The following PLPP7 variants were observed in gnomAD, a reference collection of about 807,000 sequenced individuals.
The protein encoded by PLPP7 is phospholipid phosphatase 7 (inactive), also known as inactive phospholipid phosphatase 7.
In PLPP7, 11 loss-of-function variants were observed where a neutral mutation model predicts 16.9. That is an observed-to-expected ratio of 0.65 (90% confidence interval 0.41 to 1.08). The LOEUF (loss-of-function observed/expected upper bound fraction) is 1.08. Among genes scored for constraint, PLPP7 ranks in the 50% least tolerant of loss-of-function variants. The pLI is 0.00. For missense variants in PLPP7, 358 were observed against 397.1 expected, an observed-to-expected ratio of 0.90 and a Z score of 0.84; for synonymous variants, 174 against 175.1, an observed-to-expected ratio of 0.99 and a Z score of 0.05.
chr9:131,303,990 C>A (rs1004481420), intron 1 of PLPP7, among the ~76,000 whole-genome samples: 1 of 152,128 alleles, frequency 6.6e-6, no homozygotes, highest in Admixed American at 6.5e-5. Flanking sequence ...GAGCTGTGAC[C>A]TCACTGGGGT....
chr9:131,291,224 G>C, intron 1 of PLPP7: 1 of 1,349,868 alleles, frequency 7.4e-7, no homozygotes, highest in South Asian at 1.1e-5. Flanking sequence ...GCACCACCAG[G>C]TCCCCAAGGT....
rs1020568454 is a variant in PLPP7, at chr9:131,295,960, C to A, written c.451+5512C>A. Among the ~76,000 whole-genome samples the A allele has an allele frequency of 6.6e-6, 1 of 152,200 alleles. No homozygotes were observed. Among genetic ancestry groups the A allele is most frequent in the Non-Finnish European group, 1.5e-5 (1 of 68,040 alleles). ...AGCTGTTCTGAGTAACGCTGCCGTG[C>A]GCACAGGTGTATATGCATCTTCTTG... On this transcript the variant is annotated intron_variant, in intron 1 of 1. Coordinates refer to ENST00000372264, the MANE Select transcript of PLPP7 (RefSeq NM_032728.4). The surrounding 1 kb of genome is among the most constrained non-coding windows in gnomAD (Gnocchi z 4.0).
At chr9:131,307,072 C>T (rs2131221662) in intron 1 of PLPP7, among the ~76,000 whole-genome samples, 1 of 151,524 alleles carries the variant, frequency 6.6e-6, no homozygotes, top group East Asian at 1.9e-4. Context: ...TGGCAAAACC[C>T]CATCTCTACC....
At chr9:131,297,569 A>T (rs150656183) in intron 1 of PLPP7, among the ~76,000 whole-genome samples, 1 of 152,060 alleles carries the variant, frequency 6.6e-6, no homozygotes, top group African/African-American at 2.4e-5. Context: ...TGTTTTTAGT[A>T]GAGACGGGGT....
intron 1 of PLPP7, among the ~76,000 whole-genome samples, chr9:131,292,573 G>A (rs1217092170): frequency 6.6e-6 from 1 of 152,156 alleles, no homozygotes; most frequent in African/African-American, 2.4e-5. Context: ...CTCTAGCTTT[G>A]CTTTGCGTTT....
Position 131,290,471 on chromosome 9 carries a change from A to C in PLPP7, c.451+23A>C, listed in dbSNP as rs768349465. 3 of 1,489,440 alleles carry C rather than the reference A, an allele frequency of 2.0e-6. No individual in the cohort carries two copies. The highest frequency in any genetic ancestry group is 8.9e-7 in the Non-Finnish European group (1 of 1,121,522). 92.3% of individuals were successfully genotyped at this position (1,489,440 alleles called of 1,614,324 possible). ...TGGGTGAGTGTGCCTGCCGCCCGCC[A>C]CTCACTGTCAGGCCCCTCGGGAGGC... On this transcript the variant is annotated intron_variant, in intron 1 of 1. Transcript: ENST00000372264. This position sits in a 1 kb window ranked among gnomAD's most constrained non-coding sequence, Gnocchi z 4.2.
intron 1 of PLPP7, among the ~76,000 whole-genome samples, chr9:131,297,720 A>G (rs2131216137): frequency 6.6e-6 from 1 of 152,326 alleles, no homozygotes; most frequent in East Asian, 1.9e-4. Flanking sequence ...TGCACAAATA[A>G]TGCGTGCTTG....
chr9:131,298,270 C>A (rs1430133104), intron 1 of PLPP7, among the ~76,000 whole-genome samples: 1 of 152,158 alleles, frequency 6.6e-6, no homozygotes, highest in Non-Finnish European at 1.5e-5. Flanking sequence ...GATTTACACA[C>A]TCCCTGGGCA....
chr9:131,291,334 G>C lies in PLPP7; in HGVS notation c.451+886G>C. 3 of 1,190,818 alleles carry C rather than the reference G, an allele frequency of 2.5e-6. No homozygotes were observed. In the South Asian group the frequency reaches 4.5e-5, roughly 18 times the overall value. 73.8% of individuals were successfully genotyped at this position (1,190,818 alleles called of 1,614,324 possible). On this transcript the variant is annotated intron_variant, in intron 1 of 1. Coordinates refer to ENST00000372264, the MANE Select transcript of PLPP7 (RefSeq NM_032728.4). ...AGGGACATGTGAGGTGGAGGTCTCAGGCAAGGCAAACATTAACAAGGGGTC... is the reference window on the plus strand; with the variant it reads ...AGGGACATGTGAGGTGGAGGTCTCACGCAAGGCAAACATTAACAAGGGGTC...
At chr9:131,294,370 A>G (rs1835712918) in intron 1 of PLPP7, among the ~76,000 whole-genome samples, 1 of 152,216 alleles carries the variant, frequency 6.6e-6, no homozygotes, top group African/African-American at 2.4e-5. Flanking sequence ...GTTAAGTAGC[A>G]ATGATTATCA....
intron 1 of PLPP7, among the ~76,000 whole-genome samples, chr9:131,299,333 C>T (rs1370152991): frequency 6.6e-6 from 1 of 152,230 alleles, no homozygotes; most frequent in Non-Finnish European, 1.5e-5. Flanking sequence ...GGACCTTTCC[C>T]CTCACAGGGG....
rs1835667151 is a variant in PLPP7, at chr9:131,290,923, C to T, written c.451+475C>T. 6.6e-6 allele frequency among the ~76,000 whole-genome samples: 1 copy of T among 152,152 alleles called. No individual in the cohort carries two copies. The highest frequency in any genetic ancestry group is 2.1e-4 in the South Asian group (1 of 4,834). On this transcript the variant is annotated intron_variant, in intron 1 of 1. Coordinates refer to ENST00000372264, the MANE Select transcript of PLPP7 (RefSeq NM_032728.4). This position sits in a 1 kb window ranked among gnomAD's most constrained non-coding sequence, Gnocchi z 4.2. ...AGCACCTCCCGCCTCGGTTCAGGAA[C>T]CGGGAAAGCTGCCCAGGCTTCTTCC...
At position 131,290,564 on chromosome 9, in the gene PLPP7, T is replaced by A; in HGVS notation, c.451+116T>A. On this transcript the variant is annotated intron_variant, in intron 1 of 1. Coordinates refer to ENST00000372264, the MANE Select transcript of PLPP7 (RefSeq NM_032728.4). This position sits in a 1 kb window ranked among gnomAD's most constrained non-coding sequence, Gnocchi z 4.2. ...CCCTCAGAAACCGGCTGGGATGGTC[T>A]AATGAGGTTAGGCAGGAAGGGTGCC... 9.8e-7 allele frequency: 1 copy of A among 1,022,668 alleles called. No homozygotes were observed. The highest frequency in any genetic ancestry group is 1.4e-6 in the Non-Finnish European group (1 of 737,674). 63.3% of individuals were successfully genotyped at this position (1,022,668 alleles called of 1,614,324 possible).
At chr9:131,298,683 CAGG>C (rs1835762775) in intron 1 of PLPP7, among the ~76,000 whole-genome samples, 1 of 152,238 alleles carries the variant, frequency 6.6e-6, no homozygotes, top group African/African-American at 2.4e-5. Context: ...TCAGAGGCCT[CAGG>C]AGGAGATGAT....
intron 1 of PLPP7, chr9:131,291,426 A>G: frequency 8.8e-7 from 1 of 1,140,978 alleles, no homozygotes; most frequent in Non-Finnish European, 1.1e-6. Flanking sequence ...TACAATAAAA[A>G]CACGTATCTC....
intron 1 of PLPP7, among the ~76,000 whole-genome samples, chr9:131,294,379 C>G (rs1835712996): frequency 6.6e-6 from 1 of 152,218 alleles, no homozygotes; most frequent in Non-Finnish European, 1.5e-5. Flanking sequence ...CAATGATTAT[C>G]ATCATCATTA....
chr9:131,297,671 C>G (rs1588208446), intron 1 of PLPP7, among the ~76,000 whole-genome samples: 1 of 152,176 alleles, frequency 6.6e-6, no homozygotes, highest in South Asian at 2.1e-4. Flanking sequence ...CAGGCGTGAG[C>G]CACTGTGCCT....
intron 1 of PLPP7, among the ~76,000 whole-genome samples, chr9:131,307,665 G>A (rs1469643056): frequency 6.6e-6 from 1 of 151,794 alleles, no homozygotes; most frequent in African/African-American, 2.4e-5. Context: ...GGGAGACAGC[G>A]TGGTGGGGGC....
At chr9:131,292,825 C>G in intron 1 of PLPP7, 1 of 985,292 alleles carries the variant, frequency 1.0e-6, no homozygotes, top group Non-Finnish European at 1.2e-6. Context: ...CTGCCCCAAA[C>G]ATTGAAAAAT....
Sources: allele counts gnomAD v4.1 joint callset (sites outside exome capture counted in the v4.1 genomes callset), GRCh38; gene constraint gnomAD v4.1.1; non-coding constraint Gnocchi (gnomAD v3.1); transcripts MANE v1.5; gene names NCBI Gene and HGNC (gene_info 2026-07-23, HGNC 2026-07-21).